Variants in TBC1D22A observed in about 807,000 individuals in gnomAD.
TBC1D22A encodes the protein putative GTPase activator.
TBC1D22A carries 38 observed loss-of-function variants against 60.2 expected under a neutral mutation model. The observed-to-expected ratio is 0.63, with a 90% CI of 0.49 to 0.83. The LOEUF is 0.83. Among genes scored for constraint, TBC1D22A ranks in the 40% least tolerant of loss-of-function variants. The pLI is 0.00. For missense variants in TBC1D22A, 628 were observed against 701.0 expected (o/e 0.90, Z 1.18); for synonymous variants, 302 against 281.7 (o/e 1.07, Z -0.72).
At chr22:46,838,186 TAGAG>T (rs1225847041) in intron 4 of TBC1D22A, among the ~76,000 whole-genome samples, 4 of 152,086 alleles carry the variant, frequency 2.6e-5, no homozygotes, top group Non-Finnish European at 5.9e-5. Flanking sequence ...GTAAATGAAA[TAGAG>T]AGTAGAAAAA....
chr22:46,997,796 G>A (rs141180243), intron 10 of TBC1D22A, 87 bp downstream of exon 10: 36 of 1,255,608 alleles, frequency 2.9e-5, no homozygotes, highest in Non-Finnish European at 3.2e-5. Context: ...GTCCTCATCC[G>A]CCGGCAGCAT....
chr22:46,875,597 G>A (rs1187253227), intron 4 of TBC1D22A, among the ~76,000 whole-genome samples: 2 of 151,940 alleles, frequency 1.3e-5, no homozygotes, highest in South Asian at 2.1e-4. Context: ...GACTACAGGC[G>A]CCAGCCATGA....
At chr22:46,909,432 C>T (rs1336997090) in intron 7 of TBC1D22A, among the ~76,000 whole-genome samples, 4 of 152,082 alleles carry the variant, frequency 2.6e-5, no homozygotes, top group East Asian at 1.9e-4. Flanking sequence ...ACTGCTTGTT[C>T]CCTGGGCTGT....
intron 8 of TBC1D22A, among the ~76,000 whole-genome samples, chr22:46,948,460 G>T (rs559904249): frequency 6.6e-6 from 1 of 152,240 alleles, no homozygotes; most frequent in Non-Finnish European, 1.5e-5. Flanking sequence ...GGGTGCCCAT[G>T]GGGGTAGAGT....
intron 11 of TBC1D22A, among the ~76,000 whole-genome samples, chr22:47,065,778 G>A (rs1293348998): frequency 6.6e-6 from 1 of 152,196 alleles, no homozygotes; most frequent in Non-Finnish European, 1.5e-5. Context: ...GTGACTTCAG[G>A]TGAGGAGATG....
At chr22:46,863,547 A>G (rs995865714) in intron 4 of TBC1D22A, among the ~76,000 whole-genome samples, 1 of 152,148 alleles carries the variant, frequency 6.6e-6, no homozygotes, top group Non-Finnish European at 1.5e-5. Flanking sequence ...CTGGTATCTC[A>G]GCAACTAGTC....
intron 1 of TBC1D22A, among the ~76,000 whole-genome samples, chr22:46,789,718 T>C (rs571949853): frequency 6.6e-6 from 1 of 152,344 alleles, no homozygotes; most frequent in East Asian, 1.9e-4. Flanking sequence ...TTAAAGATGA[T>C]GTTCTCAAAG....
intron 6 of TBC1D22A, among the ~76,000 whole-genome samples, chr22:46,893,467 GCTGCCTCGT>G (rs1401873052): frequency 2.0e-5 from 3 of 152,216 alleles, no homozygotes; most frequent in African/African-American, 7.2e-5. Flanking sequence ...TCTGGTGGAT[GCTGCCTCGT>G]CTGCTCAATA....
intron 4 of TBC1D22A, among the ~76,000 whole-genome samples, chr22:46,876,373 G>C (rs541314314): frequency 5.3e-5 from 8 of 152,314 alleles, no homozygotes; most frequent in African/African-American, 1.7e-4. Flanking sequence ...TGCATACAAA[G>C]ACCTAGCAAT....
chr22:46,964,325 G>A (rs1043994773), intron 8 of TBC1D22A, among the ~76,000 whole-genome samples: 2 of 152,190 alleles, frequency 1.3e-5, no homozygotes, highest in Non-Finnish European at 2.9e-5. Flanking sequence ...AGTACCTTCT[G>A]GGCATGTGGA....
At chr22:47,097,979 C>A (rs993964090) in intron 11 of TBC1D22A, among the ~76,000 whole-genome samples, 15 of 152,102 alleles carry the variant, frequency 9.9e-5, no homozygotes, top group African/African-American at 3.6e-4. Flanking sequence ...GTGGGGGCCC[C>A]TGCTACTGTG....
At position 46,762,709 on chromosome 22, in the gene TBC1D22A, C is replaced by T. The variant is rs543569985; in HGVS notation, c.-78C>T. The T allele has an allele frequency of 4.6e-6, 6 of 1,290,970 alleles. 1 individual carries two copies. In the South Asian group the frequency reaches 1.1e-4, roughly 24 times the overall value. 80.0% of individuals were successfully genotyped at this position (1,290,970 alleles called of 1,614,324 possible). A position where few individuals can be genotyped will look rare whatever the true frequency, so the allele number is the denominator to read the frequency against. On this transcript the variant is annotated 5_prime_UTR_variant, in exon 1 of 13. Transcript: ENST00000337137. ...GGGAGCAGTGAGGGGCCACCCGGGG[C>T]ACAGGAAAGGGCCGCTAGGGGAGGG...
intron 12 of TBC1D22A, among the ~76,000 whole-genome samples, chr22:47,138,699 G>A (rs1430139747): frequency 1.3e-5 from 2 of 152,218 alleles, no homozygotes; most frequent in African/African-American, 4.8e-5. Flanking sequence ...ATAGATGGTG[G>A]GCTTAGAAAC....
At position 46,998,290 on chromosome 22, in the gene TBC1D22A, G is replaced by A. The variant is rs374613485; in HGVS notation, c.1201+581G>A. ...AATAGCAGAGTTTAATTAAATGGAA[G>A]CTGAGAGATAATGCTTGCCCGTTCC... On this transcript the variant is annotated intron_variant, in intron 10 of 12. Coordinates refer to ENST00000337137, the MANE Select transcript of TBC1D22A (RefSeq NM_014346.5). 2.4e-4 allele frequency among the ~76,000 whole-genome samples: 37 copies of A among 152,238 alleles called. No individual in the cohort carries two copies. The South Asian group carries it at 7.7e-3, about 32-fold the overall frequency.
At chr22:47,168,060 G>A (rs1457254969) in intron 12 of TBC1D22A, among the ~76,000 whole-genome samples, 1 of 152,246 alleles carries the variant, frequency 6.6e-6, no homozygotes, top group African/African-American at 2.4e-5. Flanking sequence ...TGCAGGGCTG[G>A]GATTTGAACG....
chr22:46,797,099 A>G (rs2084687374), intron 3 of TBC1D22A, among the ~76,000 whole-genome samples: 1 of 151,744 alleles, frequency 6.6e-6, no homozygotes, highest in African/African-American at 2.4e-5. Context: ...TCCTACACAG[A>G]CCCTCTGGGT....
At chr22:46,850,992 TGG>T (rs2087246931) in intron 4 of TBC1D22A, among the ~76,000 whole-genome samples, 1 of 151,860 alleles carries the variant, frequency 6.6e-6, no homozygotes, top group Non-Finnish European at 1.5e-5. Flanking sequence ...AGACGGAAAG[TGG>T]AATGGTAGTT....
chr22:47,005,759 C>T (rs1010484350), intron 10 of TBC1D22A, among the ~76,000 whole-genome samples: 1 of 151,678 alleles, frequency 6.6e-6, no homozygotes, highest in Admixed American at 6.6e-5. Flanking sequence ...TATACACACA[C>T]ACACCTACAC....
intron 11 of TBC1D22A, among the ~76,000 whole-genome samples, chr22:47,053,406 C>T (rs1411185337): frequency 1.3e-5 from 2 of 152,184 alleles, no homozygotes; most frequent in African/African-American, 2.4e-5. Context: ...CCTCTGGAGG[C>T]CACAGTTACC....
Sources: allele counts gnomAD v4.1 joint callset (sites outside exome capture counted in the v4.1 genomes callset), GRCh38; gene constraint gnomAD v4.1.1; transcripts MANE v1.5; gene names NCBI Gene and HGNC (gene_info 2026-07-23, HGNC 2026-07-21).